Variants in TRERF1 observed in about 807,000 individuals in gnomAD.
TRERF1 encodes transcriptional regulating factor 1.
A neutral mutation model predicts 122.9 loss-of-function variants in TRERF1; 27 were observed. That is an observed-to-expected ratio of 0.22 (90% CI 0.16 to 0.30). The LOEUF (loss-of-function observed/expected upper bound fraction) is 0.30. Among genes scored for constraint, TRERF1 ranks in the 10% least tolerant of loss-of-function variants. The pLI, the probability that TRERF1 is intolerant of heterozygous loss-of-function variation, is 1.00. For synonymous variants in TRERF1, 636 were observed against 641.7 expected, an observed-to-expected ratio of 0.99 and a Z score of 0.13; for missense variants, 1,248 against 1,560.3, an observed-to-expected ratio of 0.80 and a Z score of 3.37.
At chr6:42,397,767 T>C (rs1778837576) in intron 2 of TRERF1, among the ~76,000 whole-genome samples, 1 of 152,202 alleles carries the variant, frequency 6.6e-6, no homozygotes, top group African/African-American at 2.4e-5. Context: ...GACTTGCTAG[T>C]TTGGGCAGGT....
At chr6:42,331,135 G>A (rs530541626) in intron 3 of TRERF1, among the ~76,000 whole-genome samples, 1 of 152,366 alleles carries the variant, frequency 6.6e-6, no homozygotes, top group African/African-American at 2.4e-5. Flanking sequence ...TAGATTGAAA[G>A]CATGTCTTTA....
rs777710911 is a variant in TRERF1 at position 42,263,449 on chromosome 6, G to C, written c.1755C>G (p.Pro585=). 1.9e-6 allele frequency: 3 copies of C among 1,608,468 alleles called. No individual in the cohort carries two copies. In the Admixed American group the frequency reaches 5.1e-5, roughly 27 times the overall value. ...GGAGAAGCTTGACAGGGACAGACAC[G>C]GGCATGACCATAGGCGTGAGGCTTT... is the stretch of plus-strand genomic sequence containing the variant. The change falls in exon 8 of 18, where the codon CCC becomes CCG. Residue 585 remains proline, a synonymous_variant. Transcript: ENST00000372922. The surrounding 1 kb of genome is among the most constrained non-coding windows in gnomAD (Gnocchi z 5.6).
intron 2 of TRERF1, among the ~76,000 whole-genome samples, chr6:42,398,062 CAAG>C (rs748047317): frequency 6.6e-6 from 1 of 152,136 alleles, no homozygotes; most frequent in Non-Finnish European, 1.5e-5. Context: ...CAGTGATTCC[CAAG>C]AAGAAGGTGA....
At chr6:42,309,511 T>G (rs1380994830) in intron 3 of TRERF1, among the ~76,000 whole-genome samples, 2 of 152,196 alleles carry the variant, frequency 1.3e-5, no homozygotes, top group Non-Finnish European at 2.9e-5. Context: ...TGCAAAATGC[T>G]CTTTATGTCC....
intron 2 of TRERF1, among the ~76,000 whole-genome samples, chr6:42,373,521 G>T (rs1456172988): frequency 2.0e-5 from 3 of 152,084 alleles, no homozygotes; most frequent in African/African-American, 7.2e-5. Flanking sequence ...CAAAAAATTA[G>T]CTGGGTGTGG....
At chr6:42,296,458 T>C (rs1785127363) in intron 4 of TRERF1, among the ~76,000 whole-genome samples, 1 of 152,202 alleles carries the variant, frequency 6.6e-6, no homozygotes, top group Non-Finnish European at 1.5e-5. Flanking sequence ...ACTGATGATA[T>C]CCAAGCTCTG....
intron 2 of TRERF1, among the ~76,000 whole-genome samples, chr6:42,386,893 T>C (rs1203732008): frequency 6.6e-6 from 1 of 152,224 alleles, no homozygotes. Context: ...CATTCTTTGT[T>C]GGAGATGGGG....
chr6:42,334,246 G>C (rs769764458), intron 3 of TRERF1, among the ~76,000 whole-genome samples: 2 of 152,158 alleles, frequency 1.3e-5, no homozygotes, highest in Non-Finnish European at 2.9e-5. Flanking sequence ...GTTATGGAAA[G>C]CTTAAGACAG....
intron 2 of TRERF1, among the ~76,000 whole-genome samples, chr6:42,389,659 C>T (rs1777380610): frequency 1.3e-5 from 2 of 152,224 alleles, no homozygotes; most frequent in South Asian, 4.1e-4. Context: ...ATAATGCCTT[C>T]CCTCCCAACT....
At chr6:42,390,236 A>G (rs1298326403) in intron 2 of TRERF1, among the ~76,000 whole-genome samples, 1 of 152,218 alleles carries the variant, frequency 6.6e-6, no homozygotes, top group Non-Finnish European at 1.5e-5. Flanking sequence ...CCTTTAATTA[A>G]GCAAAGTAGA....
rs146109084 is a variant in TRERF1 at position 42,264,422 on chromosome 6, T to C, written c.1635+282A>G. ...GTTTAAAAATAATATTGCATTTACA[T>C]GTTTTCCTTTGCTGTCTTCTCCAGG... On this transcript the variant is annotated intron_variant, in intron 7 of 17. Coordinates refer to ENST00000372922, the Ensembl canonical transcript of TRERF1. Among the ~76,000 whole-genome samples the C allele has an allele frequency of 4.6e-3, 706 of 152,368 alleles. 1 individual carries two copies. Among genetic ancestry groups the C allele is most frequent in the African/African-American group, 0.011 (441 of 41,586 alleles).
intron 2 of TRERF1, among the ~76,000 whole-genome samples, chr6:42,411,545 CCTGCCA>C (rs1781096074): frequency 6.6e-6 from 1 of 152,178 alleles, no homozygotes; most frequent in Non-Finnish European, 1.5e-5. Context: ...GGCAGGAGGC[CCTGCCA>C]TGTCAAAGCC....
intron 3 of TRERF1, among the ~76,000 whole-genome samples, chr6:42,311,047 T>C (rs1056420341): frequency 1.3e-5 from 2 of 152,236 alleles, no homozygotes; most frequent in Non-Finnish European, 2.9e-5. Context: ...TATTTATTTA[T>C]AAATATTTAT....
rs1431890299 is a variant in TRERF1, at chr6:42,268,538, A to G, written c.1053T>C (p.Tyr351=). 1.9e-6 allele frequency: 3 copies of G among 1,613,946 alleles called. No homozygotes were observed. The highest frequency in any genetic ancestry group is 2.7e-5 in the African/African-American group (2 of 74,896). ...GGGTATACTGGTGAGGGTCCCTGTG[A>G]TAAGAAGGAGGCTGCAGGTGCATCT... Residue 351 remains tyrosine (Y), a synonymous_variant, in exon 5 of 18, where the codon TAT becomes TAC. Coordinates refer to ENST00000372922, the Ensembl canonical transcript of TRERF1. This position sits in a 1 kb window ranked among gnomAD's most constrained non-coding sequence, Gnocchi z 4.4.
chr6:42,340,838 C>A (rs1414288676), intron 3 of TRERF1, among the ~76,000 whole-genome samples: 1 of 152,236 alleles, frequency 6.6e-6, no homozygotes, highest in African/African-American at 2.4e-5. Flanking sequence ...TGATCAATTT[C>A]TTTCTAGAAC....
In TRERF1 at chr6:42,269,659, G is replaced by A. The variant is rs567891333; in HGVS notation, c.-69C>T. On this transcript the variant is annotated 5_prime_UTR_variant, in exon 5 of 18. Coordinates refer to ENST00000372922, the Ensembl canonical transcript of TRERF1. The surrounding 1 kb of genome is among the most constrained non-coding windows in gnomAD (Gnocchi z 4.9). The stretch of plus-strand genomic sequence containing the variant: ...AAAGGTAAATAAAACAAACCCAAAA[G>A]GACTGAAACCCTGAGAAGCTGAGAG... The A allele has an allele frequency of 1.9e-6, 3 of 1,539,754 alleles. No homozygotes were observed. The highest frequency in any genetic ancestry group is 2.7e-5 in the African/African-American group (2 of 73,144).
In TRERF1 at chr6:42,401,386, C is replaced by T. The variant is rs141527009; in HGVS notation, c.-453-38307G>A. ...TACAATTAACACCTTTTCAGCCCTA[C>T]TATGCTGTAGGCCTACACCAGGTAC... On this transcript the variant is annotated intron_variant, in intron 2 of 17. Transcript: ENST00000372922. Among the ~76,000 whole-genome samples the T allele has an allele frequency of 5.7e-3, 871 of 152,304 alleles. 14 individuals are homozygous for T. The highest frequency in any genetic ancestry group is 0.02 in the African/African-American group (831 of 41,550).
At chr6:42,250,788 A>G (rs1775616080) in intron 13 of TRERF1, among the ~76,000 whole-genome samples, 1 of 152,158 alleles carries the variant, frequency 6.6e-6, no homozygotes, top group Non-Finnish European at 1.5e-5. Flanking sequence ...GTGCTGGAAC[A>G]GTATCCAGAG....
chr6:42,320,658 C>T (rs567096430), intron 3 of TRERF1, among the ~76,000 whole-genome samples: 1 of 152,138 alleles, frequency 6.6e-6, no homozygotes, highest in Admixed American at 6.5e-5. Context: ...TACAGGCGCC[C>T]GCCACAACGT....
Sources: gnomAD v4.1 joint callset for allele counts (sites outside exome capture counted in the v4.1 genomes callset) on GRCh38, gnomAD v4.1.1 for gene constraint, Gnocchi (gnomAD v3.1) non-coding constraint, MANE v1.5 for transcripts, NCBI Gene and HGNC (gene_info 2026-07-23, HGNC 2026-07-21) for gene names.